SH3GL2: variants seen among roughly 807,000 people sequenced by gnomAD.
SH3GL2 encodes SH3 domain containing GRB2 like 2, endophilin A1.
In SH3GL2, 24 loss-of-function variants were observed where a neutral mutation model predicts 46.0. That is an observed-to-expected ratio of 0.52 (90% CI 0.38 to 0.73). The LOEUF (loss-of-function observed/expected upper bound fraction) is 0.73, where lower values mean the gene tolerates loss of function less well. Among genes scored for constraint, SH3GL2 ranks in the 30% least tolerant of loss-of-function variants. SH3GL2 has a pLI of 0.00. For synonymous variants in SH3GL2, 196 were observed against 147.1 expected (o/e 1.33, Z -2.40); for missense variants, 413 against 424.2 (o/e 0.97, Z 0.23).
chr9:17,715,398 A>AT (rs1821726373), intron 1 of SH3GL2, among the ~76,000 whole-genome samples: 2 of 150,884 alleles, frequency 1.3e-5, no homozygotes, highest in South Asian at 2.1e-4. Context: ...CTTTTTCAAA[A>AT]TTTTTTTTGT....
At chr9:17,772,893 A>G (rs898439923) in intron 3 of SH3GL2, among the ~76,000 whole-genome samples, 9 of 152,060 alleles carry the variant, frequency 5.9e-5, no homozygotes, top group African/African-American at 2.2e-4. Flanking sequence ...AGGGAATTCT[A>G]TTTTTTATTT....
intron 2 of SH3GL2, among the ~76,000 whole-genome samples, chr9:17,756,014 G>A (rs907747483): frequency 2.6e-5 from 4 of 151,850 alleles, no homozygotes; most frequent in African/African-American, 7.3e-5. Flanking sequence ...AGATTTTTTT[G>A]TAAGTGCTTT....
chr9:17,589,031 G>A (rs1398408228), intron 1 of SH3GL2: 1 of 152,104 alleles, frequency 6.6e-6, no homozygotes, highest in Admixed American at 6.5e-5. Flanking sequence ...TTAATTAATT[G>A]TGTGTCTGTA....
intron 3 of SH3GL2, among the ~76,000 whole-genome samples, chr9:17,769,320 G>T (rs1425761677): frequency 6.6e-6 from 1 of 152,076 alleles, no homozygotes; most frequent in African/African-American, 2.4e-5. Context: ...TTCTTTTATT[G>T]CACTTTTCAT....
At chr9:17,706,874 C>A (rs1002704365) in intron 1 of SH3GL2, among the ~76,000 whole-genome samples, 1 of 151,988 alleles carries the variant, frequency 6.6e-6, no homozygotes, top group Non-Finnish European at 1.5e-5. Context: ...GAAAAAGTTG[C>A]TGTAGGGTTT....
chr9:17,627,610 A>G (rs1041546667), intron 1 of SH3GL2, among the ~76,000 whole-genome samples: 1 of 152,256 alleles, frequency 6.6e-6, no homozygotes, highest in Non-Finnish European at 1.5e-5. Context: ...TATAATTTCT[A>G]TGAATTGCTA....
chr9:17,634,376 C>T (rs116362971), intron 1 of SH3GL2, among the ~76,000 whole-genome samples: 1,856 of 152,286 alleles, frequency 0.012, 54 homozygotes, highest in African/African-American at 0.042. Flanking sequence ...ATAACCCAAA[C>T]TCCACAACAG....
intron 2 of SH3GL2, among the ~76,000 whole-genome samples, chr9:17,750,972 C>T (rs1822823016): frequency 1.3e-5 from 2 of 152,132 alleles, no homozygotes; most frequent in Admixed American, 1.3e-4. Context: ...CATCAGGCTT[C>T]CTAGAAGAGA....
chr9:17,645,564 C>A (rs1819794890), intron 1 of SH3GL2, among the ~76,000 whole-genome samples: 2 of 152,036 alleles, frequency 1.3e-5, no homozygotes, highest in South Asian at 4.2e-4. Context: ...TAAGGCAGGC[C>A]TGATGGTGAC....
chr9:17,657,638 G>A (rs1005118826), intron 1 of SH3GL2, among the ~76,000 whole-genome samples: 2 of 152,124 alleles, frequency 1.3e-5, no homozygotes, highest in African/African-American at 4.8e-5. Context: ...TTGTATATAG[G>A]GAAAATGTAT....
At chr9:17,610,185 A>C (rs1042422552) in intron 1 of SH3GL2, among the ~76,000 whole-genome samples, 12 of 152,194 alleles carry the variant, frequency 7.9e-5, no homozygotes, top group Non-Finnish European at 1.6e-4. Context: ...TATTGCAAGA[A>C]TTAAATAGCA....
In SH3GL2 at chr9:17,789,366, C is replaced by G. The variant is rs757580308; in HGVS notation, c.466-26C>G. 5 of 1,606,526 alleles carry G rather than the reference C, an allele frequency of 3.1e-6. No individual in the cohort carries two copies. In the South Asian group the frequency reaches 4.4e-5, roughly 14 times the overall value. On this transcript the variant is annotated intron_variant, in intron 5 of 8. Transcript: ENST00000380607. ...GCCTTTTCCATAAGCCCTTTCAAAG[C>G]CTATTCCTGCCCTTGACTTTTGCAG...
intron 1 of SH3GL2, among the ~76,000 whole-genome samples, chr9:17,711,449 A>C (rs573737454): frequency 6.6e-4 from 101 of 151,968 alleles, no homozygotes; most frequent in African/African-American, 2.3e-3. Context: ...AACAGAACCC[A>C]ATGCTTTCTC....
intron 1 of SH3GL2, among the ~76,000 whole-genome samples, chr9:17,701,915 A>G (rs1164574171): frequency 2.0e-5 from 3 of 152,146 alleles, no homozygotes; most frequent in African/African-American, 7.2e-5. Flanking sequence ...TGATACTTAT[A>G]CAAAAGATAA....
At chr9:17,643,773 G>C (rs748889681) in intron 1 of SH3GL2, among the ~76,000 whole-genome samples, 1 of 152,168 alleles carries the variant, frequency 6.6e-6, no homozygotes, top group African/African-American at 2.4e-5. Context: ...GTGTTCATCA[G>C]GGATGTTGGC....
intron 1 of SH3GL2, among the ~76,000 whole-genome samples, chr9:17,661,506 A>G (rs1820213822): frequency 6.6e-6 from 1 of 152,236 alleles, no homozygotes; most frequent in African/African-American, 2.4e-5. Flanking sequence ...TTTTAGATGA[A>G]ATGTTCAATC....
chr9:17,785,654 C>G (rs1823934814), intron 3 of SH3GL2, among the ~76,000 whole-genome samples: 1 of 152,094 alleles, frequency 6.6e-6, no homozygotes, highest in Non-Finnish European at 1.5e-5. Context: ...TTTAATAAAG[C>G]TGTTTTTGCC....
chr9:17,736,618 A>C (rs1434520577), intron 1 of SH3GL2, among the ~76,000 whole-genome samples: 1 of 152,216 alleles, frequency 6.6e-6, no homozygotes, highest in Non-Finnish European at 1.5e-5. Context: ...ATTTGGTGAC[A>C]TAAAATGCTA....
At chr9:17,649,817 T>A (rs1819911954) in intron 1 of SH3GL2, among the ~76,000 whole-genome samples, 1 of 152,236 alleles carries the variant, frequency 6.6e-6, no homozygotes, top group Admixed American at 6.5e-5. Context: ...TTTTGGCAGA[T>A]AAACGTGTCA....
Sources: gnomAD v4.1 joint callset for allele counts (sites outside exome capture counted in the v4.1 genomes callset) on GRCh38, gnomAD v4.1.1 for gene constraint, MANE v1.5 for transcripts, NCBI Gene and HGNC (gene_info 2026-07-23, HGNC 2026-07-21) for gene names.